ARHGEF10: variants seen among roughly 807,000 people sequenced by gnomAD.
The protein encoded by ARHGEF10 is Rho guanine nucleotide exchange factor 10, also known as Rho guanine nucleotide exchange factor (GEF) 10.
Under a neutral mutation model 147.4 loss-of-function variants are expected in ARHGEF10, and 140 were observed. The ratio of observed to expected loss-of-function variants is 0.95; its 90% confidence interval spans 0.83 to 1.09. The LOEUF is 1.09. ARHGEF10 is among the 50% of genes least tolerant of loss of function. The pLI, the probability that ARHGEF10 is intolerant of heterozygous loss-of-function variation, is 0.00. For synonymous variants in ARHGEF10, 902 were observed against 695.8 expected (o/e 1.30, Z -4.67); for missense variants, 2,222 against 1,752.7 (o/e 1.27, Z -4.78).
chr8:1,888,849 T>A lies in ARHGEF10; in HGVS notation c.1182+3142T>A, dbSNP rs79862124. On this transcript the variant is annotated intron_variant, in intron 11 of 28. Transcript: ENST00000349830. ...TGAGGAGACACTGAATAGGGTGAGG[T>A]TTGTGAGGAGACACTGAGTGGGGTG... Among the ~76,000 whole-genome samples the A allele has an allele frequency of 4.1e-3, 152 of 36,986 alleles. 13 individuals carry two copies. Among genetic ancestry groups the A allele is most frequent in the South Asian group, 0.011 (8 of 756 alleles). The allele number at this position is 36,986 out of a possible 152,430, so 24.3% of individuals were successfully genotyped here. A position where few individuals can be genotyped will look rare whatever the true frequency, so the allele number is the denominator to read the frequency against.
At chr8:1,945,730 C>G in intron 27 of ARHGEF10, 75 bp downstream of exon 27, 3 of 1,578,626 alleles carry the variant, frequency 1.9e-6, no homozygotes, top group Non-Finnish European at 2.6e-6. Flanking sequence ...GCGCTGTCAG[C>G]CCACCTTAGC....
chr8:1,876,717 A>T lies in ARHGEF10; in HGVS notation c.826A>T (p.Ser276Cys), dbSNP rs753926589. ...TGGGATTCCCAGGTCCTTCCTGCGC[A>T]GCAACCACAAAAAGCAAGTACGTGT... ...KNGIPRSFLR[S>C]NHKKQLSHDL... The change falls in exon 8 of 29, where the codon AGC becomes TGC. Residue 276 changes from serine (S) to cysteine (C), a missense_variant. Coordinates refer to ENST00000349830, the MANE Select transcript of ARHGEF10 (RefSeq NM_014629.4). 6.2e-7 allele frequency: 1 copy of T among 1,614,210 alleles called. No individual in the cohort carries two copies. Among genetic ancestry groups the T allele is most frequent in the South Asian group, 1.1e-5 (1 of 91,086 alleles).
At chr8:1,891,563 C>T (rs151187626) in intron 11 of ARHGEF10, among the ~76,000 whole-genome samples, 11 of 152,292 alleles carry the variant, frequency 7.2e-5, no homozygotes, top group Non-Finnish European at 1.0e-4. Context: ...AGGCACCATC[C>T]GCAGCTCTCC....
At chr8:1,832,533 CACAGAG>C (rs1466690821) in intron 1 of ARHGEF10, among the ~76,000 whole-genome samples, 3 of 64,208 alleles carry the variant, frequency 4.7e-5, no homozygotes, top group African/African-American at 1.4e-4. Context: ...GGTAGAGAGA[CACAGAG>C]GCAGAGGCAG....
intron 2 of ARHGEF10, among the ~76,000 whole-genome samples, chr8:1,853,274 C>T (rs1328130414): frequency 6.6e-6 from 1 of 152,230 alleles, no homozygotes; most frequent in African/African-American, 2.4e-5. Context: ...GCTTCCCTGC[C>T]AGCTGCCTAC....
chr8:1,854,324 T>G (rs904909156), intron 2 of ARHGEF10, among the ~76,000 whole-genome samples: 1 of 151,996 alleles, frequency 6.6e-6, no homozygotes. Context: ...CCCTCTGTCC[T>G]GGGCGCCCGC....
intron 1 of ARHGEF10, among the ~76,000 whole-genome samples, chr8:1,841,022 C>A (rs10105982): frequency 6.6e-6 from 1 of 151,824 alleles, no homozygotes; most frequent in Non-Finnish European, 1.5e-5. Context: ...CACTTGCCCC[C>A]TCTCCCGGCC....
At chr8:1,936,054 C>T (rs977659267) in intron 26 of ARHGEF10, among the ~76,000 whole-genome samples, 14 of 152,208 alleles carry the variant, frequency 9.2e-5, no homozygotes, top group African/African-American at 2.9e-4. Flanking sequence ...CATACTTCCC[C>T]TCACACCTGC....
chr8:1,899,866 G>T (rs1346168070), intron 15 of ARHGEF10, among the ~76,000 whole-genome samples: 3 of 152,338 alleles, frequency 2.0e-5, no homozygotes, highest in South Asian at 2.1e-4. Flanking sequence ...GGAGGAAGGG[G>T]GTCAGGCCGC....
intron 7 of ARHGEF10, chr8:1,869,697 G>C: frequency 3.3e-6 from 1 of 307,650 alleles, no homozygotes; most frequent in South Asian, 3.0e-5. Flanking sequence ...TGAATTACAC[G>C]TTGATCCATA....
chr8:1,897,614 C>G (rs1444118361), intron 14 of ARHGEF10, among the ~76,000 whole-genome samples: 1 of 151,540 alleles, frequency 6.6e-6, no homozygotes, highest in Admixed American at 6.6e-5. Context: ...GTTGTGGGCT[C>G]TGTCCTAAGG....
At chr8:1,901,767 G>C (rs1319178862) in intron 15 of ARHGEF10, among the ~76,000 whole-genome samples, 1 of 152,196 alleles carries the variant, frequency 6.6e-6, no homozygotes, top group Non-Finnish European at 1.5e-5. Context: ...CTAGTGTTAA[G>C]ATTGTTCTTT....
At position 1,896,357 on chromosome 8, in the gene ARHGEF10, G is replaced by T. The variant is rs771558504; in HGVS notation, c.1465G>T (p.Ala489Ser). Residue 489 changes from alanine (A) to serine (S), a missense_variant, in exon 14 of 29, where the codon GCA (alanine) becomes TCA (serine). Physicochemically the swap from Ala to Ser is moderately conservative, Grantham distance 99 (BLOSUM62 1). Coordinates refer to ENST00000349830, the MANE Select transcript of ARHGEF10 (RefSeq NM_014629.4). ...ASFSKSMVLD[A>S]YSEYVNNFST... ...GTTTTCTAAGTCCATGGTGCTGGAT[G>T]CATACAGTGAATATGTGAACAATTT... 1 of 1,613,902 alleles carries T rather than the reference G, an allele frequency of 6.2e-7. No individual in the cohort carries two copies. Among genetic ancestry groups the T allele is most frequent in the South Asian group, 1.1e-5 (1 of 91,080 alleles).
At chr8:1,921,660 G>A (rs562530017) in intron 18 of ARHGEF10, among the ~76,000 whole-genome samples, 142 of 152,282 alleles carry the variant, frequency 9.3e-4, no homozygotes, top group African/African-American at 3.2e-3. Context: ...GTTTGAACCC[G>A]GGAGGCAGAG....
chr8:1,932,641 A>G (rs1813247044), intron 25 of ARHGEF10, among the ~76,000 whole-genome samples: 1 of 152,172 alleles, frequency 6.6e-6, no homozygotes, highest in Non-Finnish European at 1.5e-5. Context: ...GCTAATAATT[A>G]CCCTACAACA....
chr8:1,852,578 C>G (rs1334980736), intron 2 of ARHGEF10, among the ~76,000 whole-genome samples: 1 of 152,210 alleles, frequency 6.6e-6, no homozygotes, highest in South Asian at 2.1e-4. Flanking sequence ...TTTCTAGCAG[C>G]AGCATTTCGA....
At chr8:1,877,456 G>T (rs1408150359) in intron 8 of ARHGEF10, among the ~76,000 whole-genome samples, 1 of 152,204 alleles carries the variant, frequency 6.6e-6, no homozygotes, top group African/African-American at 2.4e-5. Context: ...TCGAATCCCT[G>T]ACCTCAGGTG....
In ARHGEF10 at chr8:1,888,890, C is replaced by T. The variant is rs67623106; in HGVS notation, c.1182+3183C>T. Among the ~76,000 whole-genome samples, 477 of 76,708 alleles carry T rather than the reference C, an allele frequency of 6.2e-3. 27 individuals carry two copies. The highest frequency in any genetic ancestry group is 0.022 in the African/African-American group (303 of 13,536). The allele number at this position is 76,708 out of a possible 152,430, so 50.3% of individuals were successfully genotyped here. The stretch of plus-strand genomic sequence containing the variant: ...GAGTGGGGTGAGAGTTATGAGGAGA[C>T]ACTGAGTTGGGTGAGGGTTGTGAGG... On this transcript the variant is annotated intron_variant, in intron 11 of 28. Transcript: ENST00000349830.
intron 15 of ARHGEF10, among the ~76,000 whole-genome samples, chr8:1,899,352 AT>A (rs1810276055): frequency 6.6e-6 from 1 of 152,166 alleles, no homozygotes; most frequent in Non-Finnish European, 1.5e-5. Context: ...TTTTTCAATG[AT>A]TGCTCAGCTT....
Sources: gnomAD v4.1 joint callset for allele counts (sites outside exome capture counted in the v4.1 genomes callset) on GRCh38, gnomAD v4.1.1 for gene constraint, MANE v1.5 for transcripts, NCBI Gene and HGNC (gene_info 2026-07-23, HGNC 2026-07-21) for gene names.